The following C11orf54 variants were observed in gnomAD, a reference collection of about 807,000 sequenced individuals.
The protein encoded by C11orf54 is beta-keto-L-gulonate decarboxylase.
In C11orf54, 29 loss-of-function variants were observed where a neutral mutation model predicts 35.5. The ratio of observed to expected loss-of-function variants is 0.82; its 90% confidence interval spans 0.61 to 1.11. The LOEUF is 1.11. Ranked by LOEUF, C11orf54 falls within the 50% of genes most tolerant of loss-of-function variation. The pLI is 0.00. For missense variants in C11orf54, 373 were observed against 369.2 expected, an observed-to-expected ratio of 1.01 and a Z score of -0.08; for synonymous variants, 108 against 121.1, an observed-to-expected ratio of 0.89 and a Z score of 0.71.
At chr11:93,750,707 G>T (rs1942768164) in intron 3 of C11orf54, among the ~76,000 whole-genome samples, 1 of 152,124 alleles carries the variant, frequency 6.6e-6, no homozygotes, top group South Asian at 2.1e-4. Flanking sequence ...AGAATTCTTT[G>T]TATCACACGA....
chr11:93,760,657 TTCTC>T (rs1459005710), intron 8 of C11orf54, among the ~76,000 whole-genome samples: 1 of 152,106 alleles, frequency 6.6e-6, no homozygotes, highest in Non-Finnish European at 1.5e-5. Context: ...TGGTCATATC[TTCTC>T]TTTTTTTTAT....
intron 7 of C11orf54, among the ~76,000 whole-genome samples, chr11:93,759,079 A>G (rs1489665602): frequency 1.3e-5 from 2 of 152,216 alleles, no homozygotes; most frequent in African/African-American, 2.4e-5. Flanking sequence ...AATTAGTTCA[A>G]CCATTGTGGA....
At chr11:93,744,455 A>G (rs10741476) in intron 1 of C11orf54, among the ~76,000 whole-genome samples, 84,328 of 152,106 alleles carry the variant, frequency 0.55, 24,790 homozygotes, top group Admixed American at 0.69. Flanking sequence ...AAAAATATGT[A>G]AAGTGTTTTT....
In C11orf54 at chr11:93,761,591, C is replaced by T. The variant is rs762509321; in HGVS notation, c.851C>T (p.Thr284Ile). Reference sequence around the variant, plus strand: ...GGTGGACACTACCATTATGACACTACTCCAGATATAGTGGAATATCTTGGA... The same window carrying T: ...GGTGGACACTACCATTATGACACTATTCCAGATATAGTGGAATATCTTGGA... ...GEGGHYHYDT[T>I]PDIVEYLGYF... The change falls in exon 9 of 9, where the codon ACT (threonine) becomes ATT (isoleucine). Residue 284 changes from threonine (T) to isoleucine (I), a missense_variant. Physicochemically the swap from Thr to Ile is moderately conservative, Grantham distance 89. Transcript: ENST00000354421. The T allele has an allele frequency of 2.1e-5, 34 of 1,613,242 alleles. No individual in the cohort carries two copies. The highest frequency in any genetic ancestry group is 2.7e-5 in the Non-Finnish European group (32 of 1,179,570).
At chr11:93,748,248 G>A (rs777917556) in intron 2 of C11orf54, among the ~76,000 whole-genome samples, 1 of 151,626 alleles carries the variant, frequency 6.6e-6, no homozygotes, top group Non-Finnish European at 1.5e-5. Flanking sequence ...GTATTGTTTG[G>A]CCTGTATTTC....
intron 2 of C11orf54, among the ~76,000 whole-genome samples, chr11:93,748,590 C>G (rs966108999): frequency 2.6e-5 from 4 of 152,050 alleles, no homozygotes; most frequent in Admixed American, 2.0e-4. Flanking sequence ...AATCTCAATA[C>G]TTTAGGAGGC....
In C11orf54 at chr11:93,761,598, T is replaced by C; in HGVS notation, c.858T>C (p.Asp286=). The change falls in exon 9 of 9, where the codon GAT becomes GAC. Residue 286 remains aspartate, a synonymous_variant. Transcript: ENST00000354421. ...ACTACCATTATGACACTACTCCAGATATAGTGGAATATCTTGGATACTTCT... is the reference window on the plus strand; with the variant it reads ...ACTACCATTATGACACTACTCCAGACATAGTGGAATATCTTGGATACTTCT... ...GGHYHYDTTP[D]IVEYLGYFLP... is the part of the protein sequence containing the mutation. 6.2e-7 allele frequency: 1 copy of C among 1,613,442 alleles called. No individual in the cohort carries two copies. The highest frequency in any genetic ancestry group is 8.5e-7 in the Non-Finnish European group (1 of 1,179,582).
chr11:93,752,059 C>A (rs1942864383), intron 3 of C11orf54, among the ~76,000 whole-genome samples: 1 of 151,722 alleles, frequency 6.6e-6, no homozygotes, highest in African/African-American at 2.4e-5. Context: ...GTTGGCCAGG[C>A]TGATCTCGAA....
intron 3 of C11orf54, among the ~76,000 whole-genome samples, chr11:93,751,747 A>G (rs1378561687): frequency 2.6e-5 from 4 of 151,866 alleles, no homozygotes; most frequent in Non-Finnish European, 4.4e-5. Context: ...TCCCCTGCTA[A>G]TTAAGTAATT....
chr11:93,745,407 T>G (rs1942409564), intron 1 of C11orf54, among the ~76,000 whole-genome samples: 1 of 152,164 alleles, frequency 6.6e-6, no homozygotes, highest in African/African-American at 2.4e-5. Context: ...AGAATGGCGA[T>G]GACTTTTACC....
chr11:93,753,130 C>T (rs918723619), intron 3 of C11orf54, among the ~76,000 whole-genome samples: 3 of 151,922 alleles, frequency 2.0e-5, no homozygotes, highest in Non-Finnish European at 4.4e-5. Context: ...TTATAGGCTC[C>T]CGCCACCATG....
chr11:93,748,662 C>T (rs182691623), intron 2 of C11orf54, among the ~76,000 whole-genome samples: 3 of 151,502 alleles, frequency 2.0e-5, no homozygotes, highest in African/African-American at 7.3e-5. Context: ...ATGGCAAAAC[C>T]CCATCTCTAC....
chr11:93,763,569 A>AC lies in C11orf54; in HGVS notation c.*1886dup, dbSNP rs1165027358. ...AGGCCAGCCTGGGCAACAGAGAGAG[A>AC]CCCCCATCTCTGCAAAAAAAGAAAA... On this transcript the variant is annotated 3_prime_UTR_variant, in exon 9 of 9. Transcript: ENST00000354421. The AC allele has an allele frequency of 4.0e-5, 6 of 151,578 alleles. No homozygotes were observed. Among genetic ancestry groups the AC allele is most frequent in the South Asian group, 2.1e-4 (1 of 4,798 alleles). The allele number at this position is 151,578 out of a possible 1,614,324, so 9.4% of individuals were successfully genotyped here. A position where few individuals can be genotyped will look rare whatever the true frequency, so the allele number is the denominator to read the frequency against.
chr11:93,747,297 A>G lies in C11orf54; in HGVS notation c.-97A>G. The G allele has an allele frequency of 1.1e-6, 1 of 902,286 alleles. No individual in the cohort carries two copies. The highest frequency in any genetic ancestry group is 1.7e-6 in the Non-Finnish European group (1 of 605,510). The allele number at this position is 902,286 out of a possible 1,614,324, so 55.9% of individuals were successfully genotyped here. A position where few individuals can be genotyped will look rare whatever the true frequency, so the allele number is the denominator to read the frequency against. On this transcript the variant is annotated splice_region_variant and 5_prime_UTR_variant, in exon 2 of 9. Coordinates refer to ENST00000354421, the MANE Select transcript of C11orf54 (RefSeq NM_001286069.2). ...TTGAATGCTCAATGTTCATTTCCAGAACAGAAACTGTTCATACTTGGTGCG... is the reference window on the plus strand; with the variant it reads ...TTGAATGCTCAATGTTCATTTCCAGGACAGAAACTGTTCATACTTGGTGCG...
rs1253084432 is a variant in C11orf54 at position 93,761,379 on chromosome 11, C to A, written c.775-136C>A. The stretch of plus-strand genomic sequence containing the variant: ...CATTTTACTGAATACATCGTTTTGC[C>A]CCCTTTGAATTTAGAACATGTGAAT... On this transcript the variant is annotated intron_variant, in intron 8 of 8. Coordinates refer to ENST00000354421, the MANE Select transcript of C11orf54 (RefSeq NM_001286069.2). 5.4e-6 allele frequency: 4 copies of A among 736,382 alleles called. No individual in the cohort carries two copies. In the East Asian group the frequency reaches 1.2e-4, roughly 21 times the overall value. 45.6% of individuals were successfully genotyped at this position (736,382 alleles called of 1,614,324 possible).
chr11:93,757,124 ATG>A (rs3217337), intron 6 of C11orf54, among the ~76,000 whole-genome samples, 190 bp from the exon 7 acceptor site: 6 of 151,848 alleles, frequency 4.0e-5, no homozygotes, highest in South Asian at 4.1e-4. Context: ...ACTGATAAGT[ATG>A]TGTGTGTGTG....
chr11:93,757,533 A>AT (rs369459092), intron 7 of C11orf54, 68 bp downstream of exon 7: 49,868 of 1,176,862 alleles, frequency 0.042, no homozygotes, highest in Non-Finnish European at 0.046. Flanking sequence ...AGATCTTAGG[A>AT]TTTTTTTTTT....
At chr11:93,760,628 C>T (rs1269668160) in intron 8 of C11orf54, among the ~76,000 whole-genome samples, 1 of 152,102 alleles carries the variant, frequency 6.6e-6, no homozygotes, top group African/African-American at 2.4e-5. Flanking sequence ...CAATTCAAAG[C>T]AAATACCTAC....
rs888281253 is a variant in C11orf54, at chr11:93,750,362, A to G, written c.72A>G (p.Leu24=). The part of the protein sequence containing the change: ...EELAGVMQKG[L]KDNFADVQVS... ...CTTTATTAGTTATGCAGAAGGGGTT[A>G]AAAGATAACTTTGCTGATGTCCAGG... is the stretch of plus-strand genomic sequence containing the variant. The change falls in exon 3 of 9, where the codon TTA becomes TTG. Residue 24 remains leucine (L), a synonymous_variant. Coordinates refer to ENST00000354421, the MANE Select transcript of C11orf54 (RefSeq NM_001286069.2). 2 of 1,613,516 alleles carry G rather than the reference A, an allele frequency of 1.2e-6. No individual in the cohort carries two copies. The highest frequency in any genetic ancestry group is 1.7e-6 in the Non-Finnish European group (2 of 1,179,670).
Sources: allele counts gnomAD v4.1 joint callset (sites outside exome capture counted in the v4.1 genomes callset), GRCh38; gene constraint gnomAD v4.1.1; transcripts MANE v1.5; gene names NCBI Gene and HGNC (gene_info 2026-07-23, HGNC 2026-07-21).